STX19: variants seen among roughly 807,000 people sequenced by gnomAD.
The protein encoded by STX19 is syntaxin 19.
STX19 carries 26 observed loss-of-function variants against 24.3 expected under a neutral mutation model. The observed-to-expected ratio is 1.07, with a 90% CI of 0.78 to 1.48. The LOEUF (loss-of-function observed/expected upper bound fraction) is 1.48. STX19 is among the 40% of genes most tolerant of loss of function. The pLI, the probability that STX19 is intolerant of heterozygous loss-of-function variation, is 0.00. For missense variants in STX19, 367 were observed against 331.9 expected (o/e 1.11, Z -0.82); for synonymous variants, 116 against 106.9 (o/e 1.09, Z -0.52).
At chr3:94,020,282 G>A (rs998947469) in intron 1 of STX19, among the ~76,000 whole-genome samples, 1 of 152,122 alleles carries the variant, frequency 6.6e-6, no homozygotes, top group Non-Finnish European at 1.5e-5. Flanking sequence ...GGCACTAAGT[G>A]TGTTTTATGT....
At chr3:94,021,181 A>AC (rs2076439966) in intron 1 of STX19, among the ~76,000 whole-genome samples, 2 of 143,658 alleles carry the variant, frequency 1.4e-5, no homozygotes, top group African/African-American at 5.1e-5. Context: ...GTTTAATATT[A>AC]TTATATATAT....
chr3:94,021,840 G>A (rs181087107), intron 1 of STX19, among the ~76,000 whole-genome samples: 3 of 152,098 alleles, frequency 2.0e-5, no homozygotes, highest in South Asian at 2.1e-4. Flanking sequence ...ATACCATGTC[G>A]CATTTAATAT....
Position 94,014,987 on chromosome 3 carries a change from T to G in STX19, c.283A>C (p.Thr95Pro), listed in dbSNP as rs757995083. ...TCTGCCTGAATTTTTATCTCCTTTG[T>G]AATGGTAGACTCTCTCTTAAGTAGA... ...FSLLKRESTI[T>P]KEIKIQAEYI... The change falls in exon 2 of 2, where the codon ACA becomes CCA. Residue 95 changes from threonine to proline, a missense_variant. Transcript: ENST00000315099. The G allele has an allele frequency of 6.2e-7, 1 of 1,614,068 alleles. No homozygotes were observed. Among genetic ancestry groups the G allele is most frequent in the Non-Finnish European group, 8.5e-7 (1 of 1,179,946 alleles).
chr3:94,027,696 A>C (rs913698921), intron 1 of STX19, among the ~76,000 whole-genome samples: 3 of 152,192 alleles, frequency 2.0e-5, no homozygotes, highest in African/African-American at 7.2e-5. Flanking sequence ...ACCTATCTAC[A>C]TATGTTGTAT....
intron 1 of STX19, among the ~76,000 whole-genome samples, chr3:94,023,655 A>G (rs2076496238): frequency 6.6e-6 from 1 of 152,160 alleles, no homozygotes; most frequent in Admixed American, 6.5e-5. Flanking sequence ...CACACAACTA[A>G]AAGGTGGCAG....
intron 1 of STX19, among the ~76,000 whole-genome samples, chr3:94,026,509 A>G (rs1037389542): frequency 2.0e-5 from 3 of 152,194 alleles, no homozygotes; most frequent in East Asian, 1.9e-4. Context: ...TAGTAGTTGC[A>G]TACTCATAAC....
Position 94,015,235 on chromosome 3 carries a change from G to A in STX19, c.35C>T (p.Thr12Ile). ...GTCTCTAGAGAGTTCAATTTCCTTT[G>A]TTCTCTGCTTTAGTTCTTGAAGTCG... The part of the protein sequence containing the change: ...KDRLQELKQR[T>I]KEIELSRDSH... The change falls in exon 2 of 2, where the codon ACA becomes ATA. Residue 12 changes from threonine to isoleucine, a missense_variant. By Grantham distance (89) the Thr-to-Ile change is moderately conservative. Transcript: ENST00000315099. 2 of 1,574,488 alleles carry A rather than the reference G, an allele frequency of 1.3e-6. No homozygotes were observed. The highest frequency in any genetic ancestry group is 1.7e-6 in the Non-Finnish European group (2 of 1,165,160).
At chr3:94,026,815 G>A (rs188263345) in intron 1 of STX19, among the ~76,000 whole-genome samples, 15 of 152,126 alleles carry the variant, frequency 9.9e-5, no homozygotes, top group African/African-American at 3.6e-4. Context: ...ATACAGTTTT[G>A]AATTTTACTA....
chr3:94,025,423 A>T (rs1174825932), intron 1 of STX19, among the ~76,000 whole-genome samples: 1 of 152,178 alleles, frequency 6.6e-6, no homozygotes, highest in Non-Finnish European at 1.5e-5. Flanking sequence ...TGGTTTATGG[A>T]TCCTATGCCT....
chr3:94,026,726 G>A (rs1192758138), intron 1 of STX19, among the ~76,000 whole-genome samples: 1 of 152,106 alleles, frequency 6.6e-6, no homozygotes, highest in Non-Finnish European at 1.5e-5. Context: ...AGTCTGTTAT[G>A]TACCTTAAAT....
At chr3:94,027,816 G>A (rs1283074427) in intron 1 of STX19, among the ~76,000 whole-genome samples, 1 of 152,062 alleles carries the variant, frequency 6.6e-6, no homozygotes, top group Non-Finnish European at 1.5e-5. Context: ...ATAAAGGTTA[G>A]TGAGTACTTC....
chr3:94,025,109 T>G (rs916689397), intron 1 of STX19, among the ~76,000 whole-genome samples: 16 of 152,174 alleles, frequency 1.1e-4, no homozygotes, highest in African/African-American at 3.6e-4. Context: ...CTATAAAGGT[T>G]GTTTTTTTCC....
intron 1 of STX19, among the ~76,000 whole-genome samples, chr3:94,017,581 A>C (rs1162049576): frequency 6.6e-5 from 10 of 152,250 alleles, no homozygotes; most frequent in Admixed American, 6.5e-5. Context: ...TATGTATATA[A>C]GTTTTAAATG....
Position 94,015,001 on chromosome 3 carries a change from CTCTT to C in STX19, c.265_268del (p.Lys89GlufsTer9). On this transcript the variant is annotated frameshift_variant, in exon 2 of 2. Coordinates refer to ENST00000315099, the MANE Select transcript of STX19 (RefSeq NM_001001850.3). LOFTEE classifies it high-confidence loss of function. ...TATCTCCTTTGTAATGGTAGACTCT[CTCTT>C]AAGTAGACTAAACCTTCTCATTGAA... The C allele has an allele frequency of 3.1e-6, 5 of 1,614,080 alleles. No individual in the cohort carries two copies. In the Middle Eastern group the frequency reaches 5.0e-4, roughly 160 times the overall value.
At chr3:94,019,986 ACT>A (rs1462715707) in intron 1 of STX19, among the ~76,000 whole-genome samples, 3 of 151,660 alleles carry the variant, frequency 2.0e-5, no homozygotes, top group East Asian at 1.9e-4. Context: ...CCTTCTTTCA[ACT>A]CTCTGACCCT....
At chr3:94,016,050 T>C (rs2076327524) in intron 1 of STX19, among the ~76,000 whole-genome samples, 1 of 152,150 alleles carries the variant, frequency 6.6e-6, no homozygotes, top group South Asian at 2.1e-4. Flanking sequence ...TTGACACTTA[T>C]CACATGCTGT....
rs1328812521 is a variant in STX19, at chr3:94,015,247, A to C, written c.23T>G (p.Leu8Arg). 3.9e-6 allele frequency: 6 copies of C among 1,550,462 alleles called. No homozygotes were observed. The highest frequency in any genetic ancestry group is 5.2e-6 in the Non-Finnish European group (6 of 1,153,024). The change falls in exon 2 of 2, where the codon CTA becomes CGA. Residue 8 changes from leucine to arginine, a missense_variant. Physicochemically the swap from Leu to Arg is moderately radical, Grantham distance 102 (BLOSUM62 -2). Transcript: ENST00000315099. MKDRLQE[L>R]KQRTKEIELS... The stretch of plus-strand genomic sequence containing the variant: ...TTCAATTTCCTTTGTTCTCTGCTTT[A>C]GTTCTTGAAGTCGGTCTTTCATCTT...
chr3:94,018,506 TATTGGAAG>T (rs2076380642), intron 1 of STX19, among the ~76,000 whole-genome samples: 1 of 152,124 alleles, frequency 6.6e-6, no homozygotes, highest in Non-Finnish European at 1.5e-5. Flanking sequence ...CACCTGTAAA[TATTGGAAG>T]ATTTTAGACT....
At chr3:94,023,835 T>A (rs984946504) in intron 1 of STX19, among the ~76,000 whole-genome samples, 6 of 152,160 alleles carry the variant, frequency 3.9e-5, no homozygotes, top group African/African-American at 1.4e-4. Context: ...AAGAAAAAAT[T>A]TAGCAGGAGA....
Sources: gnomAD v4.1 joint callset for allele counts (sites outside exome capture counted in the v4.1 genomes callset) on GRCh38, gnomAD v4.1.1 for gene constraint, MANE v1.5 for transcripts, NCBI Gene and HGNC (gene_info 2026-07-23, HGNC 2026-07-21) for gene names.